CBFA2T3: variants seen among roughly 807,000 people sequenced by gnomAD.
CBFA2T3 encodes CBFA2/RUNX1 partner transcriptional co-repressor 3.
In CBFA2T3, 31 loss-of-function variants were observed where a neutral mutation model predicts 58.6. That is an observed-to-expected ratio of 0.53 (90% CI 0.40 to 0.71). The LOEUF (loss-of-function observed/expected upper bound fraction) is 0.71. Ranked by LOEUF, CBFA2T3 falls within the 30% of genes least tolerant of loss-of-function variation. The pLI, the probability that CBFA2T3 is intolerant of heterozygous loss-of-function variation, is 0.00. For synonymous variants in CBFA2T3, 531 were observed against 421.9 expected (o/e 1.26, Z -3.17); for missense variants, 1,076 against 963.1 (o/e 1.12, Z -1.55).
At chr16:88,962,834 C>T (rs1461981560) in intron 1 of CBFA2T3, among the ~76,000 whole-genome samples, 1 of 152,200 alleles carries the variant, frequency 6.6e-6, no homozygotes, top group Non-Finnish European at 1.5e-5. Flanking sequence ...GGGGCGCTGA[C>T]CCTGCACGGC....
intron 5 of CBFA2T3, among the ~76,000 whole-genome samples, chr16:88,888,940 C>T (rs1373169082): frequency 2.0e-5 from 3 of 151,688 alleles, no homozygotes; most frequent in African/African-American, 4.8e-5. Context: ...CCTGCTGGGG[C>T]GTGGCCGGGG....
At chr16:88,925,118 A>G (rs1971044342) in intron 1 of CBFA2T3, among the ~76,000 whole-genome samples, 1 of 152,236 alleles carries the variant, frequency 6.6e-6, no homozygotes, top group Non-Finnish European at 1.5e-5. Context: ...CTCGTCCTGG[A>G]CACCGAGCTC....
At chr16:88,892,048 G>T in intron 4 of CBFA2T3, 77 bp from the exon 5 acceptor site, 1 of 1,409,560 alleles carries the variant, frequency 7.1e-7, no homozygotes, top group Non-Finnish European at 9.9e-7. Context: ...TGCCTGAGGA[G>T]GAGGCTTCCG....
chr16:88,930,980 A>G (rs571305582), intron 1 of CBFA2T3, among the ~76,000 whole-genome samples: 29 of 152,070 alleles, frequency 1.9e-4, no homozygotes, highest in African/African-American at 5.5e-4. Context: ...AAGTGACACT[A>G]TAACTCCACG....
At chr16:88,917,665 G>A (rs1002568759) in intron 1 of CBFA2T3, among the ~76,000 whole-genome samples, 6 of 152,236 alleles carry the variant, frequency 3.9e-5, no homozygotes, top group African/African-American at 1.2e-4. Flanking sequence ...TGGACGCTAA[G>A]GAATAATTAG....
In CBFA2T3 at chr16:88,936,337, G is replaced by A. The variant is rs1000751058; in HGVS notation, c.152-34681C>T. Among the ~76,000 whole-genome samples the A allele has an allele frequency of 4.6e-5, 7 of 152,258 alleles. No homozygotes were observed. The South Asian group carries it at 6.2e-4, about 14-fold the overall frequency. On this transcript the variant is annotated intron_variant, in intron 1 of 11. Transcript: ENST00000268679. Reference sequence around the variant, plus strand: ...TGCTGAGTAAACAGAAGACTGCCCCGGTGCCTGGACTTCCTCCCCAAACCT... The same window carrying A: ...TGCTGAGTAAACAGAAGACTGCCCCAGTGCCTGGACTTCCTCCCCAAACCT...
At chr16:88,975,227 G>C (rs1031248366) in intron 1 of CBFA2T3, among the ~76,000 whole-genome samples, 108 of 90,166 alleles carry the variant, frequency 1.2e-3, no homozygotes, top group East Asian at 1.5e-3. Flanking sequence ...CTCCTCACCT[G>C]CAGCCATGTC....
intron 1 of CBFA2T3, among the ~76,000 whole-genome samples, chr16:88,935,188 G>A (rs184616701): frequency 9.0e-4 from 136 of 151,736 alleles, no homozygotes; most frequent in Middle Eastern, 3.4e-3. Flanking sequence ...CGCTGCCCCC[G>A]GTCAGGGGCA....
At chr16:88,879,552 G>T in intron 10 of CBFA2T3, 92 bp from the exon 11 acceptor site, 1 of 1,187,134 alleles carries the variant, frequency 8.4e-7, no homozygotes, top group Non-Finnish European at 1.2e-6. Flanking sequence ...TGGGGACAGG[G>T]GCTGTGTGCA....
chr16:88,926,705 C>G (rs948475304), intron 1 of CBFA2T3, among the ~76,000 whole-genome samples: 7 of 152,220 alleles, frequency 4.6e-5, no homozygotes, highest in African/African-American at 1.4e-4. Context: ...CAGGGTGGGG[C>G]CTGCTGAGCC....
chr16:88,915,932 G>A lies in CBFA2T3; in HGVS notation c.152-14276C>T, dbSNP rs185572912. 5.5e-3 allele frequency among the ~76,000 whole-genome samples: 835 copies of A among 152,172 alleles called. 3 individuals carry two copies. Among genetic ancestry groups the A allele is most frequent in the African/African-American group, 0.014 (567 of 41,476 alleles). On this transcript the variant is annotated intron_variant, in intron 1 of 11. Transcript: ENST00000268679. Reference sequence around the variant, plus strand: ...CCCTCTATCCATTAGGCATGTGTGCGTGTGAGTGTGCATGCATGAGTGTAC... The same window carrying A: ...CCCTCTATCCATTAGGCATGTGTGCATGTGAGTGTGCATGCATGAGTGTAC...
At chr16:88,961,904 G>A (rs539423673) in intron 1 of CBFA2T3, among the ~76,000 whole-genome samples, 7 of 138,200 alleles carry the variant, frequency 5.1e-5, no homozygotes, top group Admixed American at 2.9e-4. Context: ...CATAGTAACC[G>A]ACCCTCAGTG....
chr16:88,892,969 C>T (rs553198841), intron 3 of CBFA2T3, among the ~76,000 whole-genome samples: 158 of 152,320 alleles, frequency 1.0e-3, no homozygotes, highest in South Asian at 5.8e-3. Context: ...CCAACCCTAC[C>T]AGGCTGGCTC....
chr16:88,965,088 T>TCCATCC (rs1972465629), intron 1 of CBFA2T3, among the ~76,000 whole-genome samples: 1 of 132,992 alleles, frequency 7.5e-6, no homozygotes, highest in Non-Finnish European at 1.6e-5. Context: ...CCCACCCATC[T>TCCATCC]ATCCATCCAT....
intron 1 of CBFA2T3, among the ~76,000 whole-genome samples, chr16:88,918,519 G>A (rs537647251): frequency 1.3e-5 from 2 of 152,352 alleles, no homozygotes; most frequent in South Asian, 2.1e-4. Flanking sequence ...GAGCCCACAC[G>A]GTTACTGGCA....
chr16:88,971,118 T>C (rs79166759), intron 1 of CBFA2T3, among the ~76,000 whole-genome samples: 1 of 149,014 alleles, frequency 6.7e-6, no homozygotes, highest in Non-Finnish European at 1.5e-5. Flanking sequence ...TCAATTTTCC[T>C]TTTTTTTTAA....
At chr16:88,908,962 C>T (rs1237676397) in intron 1 of CBFA2T3, among the ~76,000 whole-genome samples, 2 of 152,150 alleles carry the variant, frequency 1.3e-5, no homozygotes, top group African/African-American at 2.4e-5. Flanking sequence ...GGGCCCTGGG[C>T]ACCTGGCTCT....
At position 88,926,050 on chromosome 16, in the gene CBFA2T3, C is replaced by T. The variant is rs187162931; in HGVS notation, c.152-24394G>A. 1.3e-4 allele frequency among the ~76,000 whole-genome samples: 20 copies of T among 152,324 alleles called. No homozygotes were observed. The East Asian group carries it at 2.9e-3, about 22-fold the overall frequency. ...AGCTCCGTGAGACGGGGGAGGCCCC[C>T]GTGAATTGTGCAGGGAGCACTTGGT... On this transcript the variant is annotated intron_variant, in intron 1 of 11. Coordinates refer to ENST00000268679, the MANE Select transcript of CBFA2T3 (RefSeq NM_005187.6).
At chr16:88,948,510 CAAG>C (rs1434558362) in intron 1 of CBFA2T3, among the ~76,000 whole-genome samples, 2 of 152,204 alleles carry the variant, frequency 1.3e-5, no homozygotes, top group African/African-American at 4.8e-5. Flanking sequence ...CCCACAAGGT[CAAG>C]GAGACCCTCC....
Sources: allele counts gnomAD v4.1 joint callset (sites outside exome capture counted in the v4.1 genomes callset), GRCh38; gene constraint gnomAD v4.1.1; transcripts MANE v1.5; gene names NCBI Gene and HGNC (gene_info 2026-07-23, HGNC 2026-07-21).